The following BICRA variants were observed in gnomAD, a reference collection of about 807,000 sequenced individuals.
BICRA encodes the protein BRD4 interacting chromatin remodeling complex associated protein, also known as BRD4-interacting chromatin-remodeling complex-associated protein.
In BICRA, 31 loss-of-function variants were observed where a neutral mutation model predicts 96.9. The ratio of observed to expected loss-of-function variants is 0.32; its 90% confidence interval spans 0.24 to 0.43. The LOEUF is 0.43. Among genes scored for constraint, BICRA ranks in the 20% least tolerant of loss-of-function variants. The pLI is 1.00. For synonymous variants in BICRA, 1,350 were observed against 1,071.8 expected, an observed-to-expected ratio of 1.26 and a Z score of -5.07; for missense variants, 2,283 against 2,190.3, an observed-to-expected ratio of 1.04 and a Z score of -0.84.
At chr19:47,624,251 T>A (rs1259752015) in intron 1 of BICRA, among the ~76,000 whole-genome samples, 2 of 151,962 alleles carry the variant, frequency 1.3e-5, no homozygotes, top group Admixed American at 1.3e-4. Flanking sequence ...ATCTTGCCTT[T>A]CACTCACCAA....
At chr19:47,687,878 T>C (rs1376193240) in intron 7 of BICRA, among the ~76,000 whole-genome samples, 1 of 151,536 alleles carries the variant, frequency 6.6e-6, no homozygotes, top group Non-Finnish European at 1.5e-5. Context: ...AAAGTACTTG[T>C]AGGGTAAATT....
chr19:47,657,917 A>ACGCT (rs1972644869), intron 1 of BICRA, among the ~76,000 whole-genome samples: 1 of 149,122 alleles, frequency 6.7e-6, no homozygotes, highest in Non-Finnish European at 1.5e-5. Context: ...TCCCTCTTAT[A>ACGCT]CTCTCTCTCT....
At chr19:47,619,919 G>C (rs915834584) in intron 1 of BICRA, among the ~76,000 whole-genome samples, 2 of 152,076 alleles carry the variant, frequency 1.3e-5, no homozygotes, top group East Asian at 1.9e-4. Context: ...GCACATTCTC[G>C]TCACTGCCAG....
chr19:47,659,053 T>C (rs1377381828), intron 1 of BICRA, among the ~76,000 whole-genome samples: 1 of 152,198 alleles, frequency 6.6e-6, no homozygotes, highest in Admixed American at 6.5e-5. Context: ...CCTTTTGAGA[T>C]ACCTGGTTTT....
At chr19:47,694,813 CTG>C in intron 8 of BICRA, 85 bp from the exon 9 acceptor site, 2 of 1,169,530 alleles carry the variant, frequency 1.7e-6, no homozygotes, top group Non-Finnish European at 2.4e-6. Context: ...CCTTACGGCT[CTG>C]TGATCCTCCC....
At position 47,696,437 on chromosome 19, in the gene BICRA, C is replaced by T. The variant is rs767826635; in HGVS notation, c.3187-14C>T. The stretch of plus-strand genomic sequence containing the variant: ...CTGGAGGCAAAGGCCTCTCACTCGC[C>T]TTTCTTCTCCCAGTATGAGAGCAAA... On this transcript the variant is annotated splice_polypyrimidine_tract_variant and intron_variant, in intron 10 of 14. Transcript: ENST00000594866. 3 of 1,586,462 alleles carry T rather than the reference C, an allele frequency of 1.9e-6. No individual in the cohort carries two copies. The highest frequency in any genetic ancestry group is 2.7e-5 in the African/African-American group (2 of 74,238).
chr19:47,680,911 A>C lies in BICRA; in HGVS notation c.1741A>C (p.Thr581Pro). 6.7e-7 allele frequency: 1 copy of C among 1,484,256 alleles called. No homozygotes were observed. Among genetic ancestry groups the C allele is most frequent in the East Asian group, 2.6e-5 (1 of 38,236 alleles). The allele number at this position is 1,484,256 out of a possible 1,614,324, so 91.9% of individuals were successfully genotyped here. ...AGCGCCCGCCGGGCCGGCCGCCACC[A>C]CTGTCCTCCAGGGGGTCACCCTGCC... The part of the protein sequence containing the change: ...QPAPAGPAAT[T>P]VLQGVTLPPS... Residue 581 changes from threonine (T) to proline (P), a missense_variant, in exon 6 of 15, where the codon ACT becomes CCT. Transcript: ENST00000594866.
chr19:47,658,435 C>T, intron 1 of BICRA, among the ~76,000 whole-genome samples: 1 of 151,994 alleles, frequency 6.6e-6, no homozygotes, highest in East Asian at 1.9e-4. Context: ...TGCCTGTAAT[C>T]CCAACACTTT....
intron 1 of BICRA, among the ~76,000 whole-genome samples, chr19:47,629,513 T>C (rs898846556): frequency 6.6e-6 from 1 of 152,214 alleles, no homozygotes; most frequent in Non-Finnish European, 1.5e-5. Flanking sequence ...ATTTCTCTCC[T>C]CTTTAAGGTT....
At chr19:47,614,284 G>A (rs1048934361) in intron 1 of BICRA, among the ~76,000 whole-genome samples, 3 of 152,148 alleles carry the variant, frequency 2.0e-5, no homozygotes, top group South Asian at 4.1e-4. Flanking sequence ...CCATTCTGAT[G>A]TTCTGTGCAT....
intron 1 of BICRA, among the ~76,000 whole-genome samples, chr19:47,614,339 G>A (rs1400689535): frequency 2.6e-5 from 4 of 152,122 alleles, no homozygotes; most frequent in Admixed American, 6.5e-5. Context: ...TATTCAGGCC[G>A]GGCATGGTGG....
At chr19:47,654,790 GA>G (rs58825818) in intron 1 of BICRA, among the ~76,000 whole-genome samples, 11,613 of 143,908 alleles carry the variant, frequency 0.081, 553 homozygotes, top group East Asian at 0.19. Context: ...CCATCTCTAT[GA>G]AAAAAAAAAA....
chr19:47,696,330 C>T (rs982983192), intron 10 of BICRA, 121 bp from the exon 11 acceptor site: 42 of 843,916 alleles, frequency 5.0e-5, no homozygotes, highest in Non-Finnish European at 7.1e-5. Context: ...TGGGGCCAGG[C>T]CCCCACCTGG....
intron 1 of BICRA, among the ~76,000 whole-genome samples, chr19:47,632,653 C>T (rs768719991): frequency 5.9e-5 from 9 of 152,106 alleles, no homozygotes; most frequent in Non-Finnish European, 7.4e-5. Flanking sequence ...ATAATAGTAC[C>T]GCCCTCATGG....
chr19:47,628,336 T>C (rs1232139009), intron 1 of BICRA, among the ~76,000 whole-genome samples: 2 of 152,008 alleles, frequency 1.3e-5, no homozygotes, highest in African/African-American at 4.8e-5. Context: ...ATTTCTTAAC[T>C]CCCAGGTGAG....
At chr19:47,633,380 G>T (rs4488571) in intron 1 of BICRA, among the ~76,000 whole-genome samples, 1 of 151,766 alleles carries the variant, frequency 6.6e-6, no homozygotes, top group Non-Finnish European at 1.5e-5. Flanking sequence ...ATGCCCCGGC[G>T]TATTTTTCCA....
At chr19:47,686,253 C>T (rs776447474) in intron 7 of BICRA, among the ~76,000 whole-genome samples, 2 of 152,018 alleles carry the variant, frequency 1.3e-5, no homozygotes, top group African/African-American at 2.4e-5. Context: ...TTTATGTCAC[C>T]ACCCAGGACA....
Position 47,675,992 on chromosome 19 carries a change from G to A in BICRA, c.150+76G>A, listed in dbSNP as rs1972934588. On this transcript the variant is annotated intron_variant, in intron 5 of 14. Coordinates refer to ENST00000594866, the MANE Select transcript of BICRA (RefSeq NM_001394372.1). The surrounding 1 kb of genome is among the most constrained non-coding windows in gnomAD (Gnocchi z 4.7). The stretch of plus-strand genomic sequence containing the variant: ...GGAGGAGGGCCCTGAAGCCAAGAGG[G>A]GAGGCTTGGGCTCATCTCGTGAGGG... The A allele has an allele frequency of 9.8e-7, 1 of 1,018,828 alleles. No individual in the cohort carries two copies. The highest frequency in any genetic ancestry group is 1.5e-6 in the Non-Finnish European group (1 of 672,892). The allele number at this position is 1,018,828 out of a possible 1,614,324, so 63.1% of individuals were successfully genotyped here.
At position 47,694,920 on chromosome 19, in the gene BICRA, C is replaced by T. The variant is rs200664915; in HGVS notation, c.2916C>T (p.Leu972=). The T allele has an allele frequency of 2.1e-4, 323 of 1,524,086 alleles. 2 individuals are homozygous for T. The African/African-American group carries it at 3.7e-3, about 17-fold the overall frequency. 94.4% of individuals were successfully genotyped at this position (1,524,086 alleles called of 1,614,324 possible). Residue 972 remains leucine, a synonymous_variant, in exon 9 of 15, where the codon CTC becomes CTT. Coordinates refer to ENST00000594866, the MANE Select transcript of BICRA (RefSeq NM_001394372.1). ...RFHQVPSGII[L]QNKAGGAPAA... is the part of the protein sequence containing the mutation. The stretch of plus-strand genomic sequence containing the variant: ...CTCAGGTGCCGTCCGGAATCATCCT[C>T]CAGAACAAGGCTGGGGGGGCCCCTG...
Sources: allele counts gnomAD v4.1 joint callset (sites outside exome capture counted in the v4.1 genomes callset), GRCh38; gene constraint gnomAD v4.1.1; non-coding constraint Gnocchi (gnomAD v3.1); transcripts MANE v1.5; gene names NCBI Gene and HGNC (gene_info 2026-07-23, HGNC 2026-07-21).